Variants in FCHSD2 observed in about 807,000 individuals in gnomAD.
FCHSD2 encodes FCH and double SH3 domains 2.
In FCHSD2, 38 loss-of-function variants were observed where a neutral mutation model predicts 108.1. That is an observed-to-expected ratio of 0.35 (90% CI 0.27 to 0.46). FCHSD2 has a LOEUF of 0.46. Ranked by LOEUF, FCHSD2 falls within the 20% of genes least tolerant of loss-of-function variation. FCHSD2 has a pLI of 1.00. For synonymous variants in FCHSD2, 279 were observed against 314.7 expected, an observed-to-expected ratio of 0.89 and a Z score of 1.20; for missense variants, 751 against 897.8, an observed-to-expected ratio of 0.84 and a Z score of 2.09.
Position 72,843,515 on chromosome 11 carries a change from C to T in FCHSD2, c.1461G>A (p.Glu487=). 2 of 1,613,684 alleles carry T rather than the reference C, an allele frequency of 1.2e-6. No homozygotes were observed. Among genetic ancestry groups the T allele is most frequent in the South Asian group, 2.2e-5 (2 of 91,078 alleles). Residue 487 remains glutamate, a synonymous_variant, in exon 15 of 20, where the codon GAG becomes GAA. Transcript: ENST00000409418. The part of the protein sequence containing the change: ...VYSYKASQPD[E]LTIEEHEVLE... ...ACACCTCATGTTCCTCAATGGTCAACTCATCTGGTTGAGAAGCCTGCAGTG... is the reference window on the plus strand; with the variant it reads ...ACACCTCATGTTCCTCAATGGTCAATTCATCTGGTTGAGAAGCCTGCAGTG...
chr11:72,936,763 T>G (rs1161467916), intron 8 of FCHSD2, among the ~76,000 whole-genome samples: 1 of 152,254 alleles, frequency 6.6e-6, no homozygotes, highest in Admixed American at 6.5e-5. Context: ...AATTTATATT[T>G]GATTCCTTTT....
At chr11:73,127,196 C>G (rs78329834) in intron 2 of FCHSD2, among the ~76,000 whole-genome samples, 1 of 152,152 alleles carries the variant, frequency 6.6e-6, no homozygotes, top group African/African-American at 2.4e-5. Context: ...TTTCATAACA[C>G]CAGAAATAAC....
chr11:72,909,387 A>G lies in FCHSD2; in HGVS notation c.829-6749T>C, dbSNP rs548668632. 5.0e-3 allele frequency among the ~76,000 whole-genome samples: 755 copies of G among 151,402 alleles called. 5 individuals are homozygous for G. Among genetic ancestry groups the G allele is most frequent in the Non-Finnish European group, 7.0e-3 (475 of 67,814 alleles). ...AGTGGCGTGATCTCGGCTCGCTACA[A>G]CCTCCACCTCCCAGCTGCCTGCCTT... On this transcript the variant is annotated intron_variant, in intron 9 of 19. Coordinates refer to ENST00000409418, the MANE Select transcript of FCHSD2 (RefSeq NM_014824.3).
intron 4 of FCHSD2, among the ~76,000 whole-genome samples, chr11:73,008,138 C>T (rs934016024): frequency 6.6e-6 from 1 of 151,876 alleles, no homozygotes; most frequent in African/African-American, 2.4e-5. Context: ...CAGGAGTTTG[C>T]GACCAGCCTG....
At chr11:73,103,215 A>G (rs1011972944) in intron 2 of FCHSD2, among the ~76,000 whole-genome samples, 2 of 141,956 alleles carry the variant, frequency 1.4e-5, no homozygotes, top group Non-Finnish European at 3.3e-5. Flanking sequence ...AACTCTGTAC[A>G]CTTAAGGTAG....
At chr11:72,910,884 C>G (rs1170045846) in intron 9 of FCHSD2, among the ~76,000 whole-genome samples, 1 of 145,184 alleles carries the variant, frequency 6.9e-6, no homozygotes, top group African/African-American at 2.5e-5. Context: ...CTTATATATT[C>G]TCATTATTAA....
intron 9 of FCHSD2, among the ~76,000 whole-genome samples, chr11:72,916,990 T>C (rs1459861974): frequency 3.1e-5 from 1 of 32,756 alleles, no homozygotes; most frequent in Admixed American, 2.7e-4. Flanking sequence ...TTTTTTTTTT[T>C]TTTTTTTTTT....
intron 8 of FCHSD2, among the ~76,000 whole-genome samples, chr11:72,932,567 C>T (rs546982761): frequency 6.6e-6 from 1 of 152,282 alleles, no homozygotes; most frequent in African/African-American, 2.4e-5. Flanking sequence ...TTCACACAGG[C>T]TTTTCTTCTG....
At chr11:73,071,813 A>T (rs1859443634) in intron 3 of FCHSD2, among the ~76,000 whole-genome samples, 2 of 152,184 alleles carry the variant, frequency 1.3e-5, no homozygotes, top group Admixed American at 1.3e-4. Context: ...TGGGAATAAC[A>T]GTAACTACTG....
chr11:72,894,186 C>T (rs950631349), intron 10 of FCHSD2, among the ~76,000 whole-genome samples: 1 of 152,204 alleles, frequency 6.6e-6, no homozygotes, highest in Non-Finnish European at 1.5e-5. Context: ...AATGGCATAA[C>T]ATTCTAGTTA....
At chr11:72,935,285 A>G (rs555732594) in intron 8 of FCHSD2, among the ~76,000 whole-genome samples, 1 of 152,146 alleles carries the variant, frequency 6.6e-6, no homozygotes, top group Non-Finnish European at 1.5e-5. Context: ...TTTCCCCTAA[A>G]GTAAGAACTT....
Position 72,921,903 on chromosome 11 carries a change from G to A in FCHSD2, c.753C>T (p.Ala251=), listed in dbSNP as rs1855981965. 1.2e-6 allele frequency: 2 copies of A among 1,602,914 alleles called. No individual in the cohort carries two copies. Among genetic ancestry groups the A allele is most frequent in the African/African-American group, 1.3e-5 (1 of 74,938 alleles). The change falls in exon 9 of 20, where the codon GCC becomes GCT. Residue 251 remains alanine, a synonymous_variant. Coordinates refer to ENST00000409418, the MANE Select transcript of FCHSD2 (RefSeq NM_014824.3). ...ATGTTTCTAGCTCAGTCCGGCTGAA[G>A]GCTATTAAATAATCCTTGAGATGAT... ...VYDHLKDYLI[A]FSRTELETCQ... is the part of the protein sequence containing the mutation.
intron 3 of FCHSD2, among the ~76,000 whole-genome samples, chr11:73,067,434 A>G (rs1859322441): frequency 6.6e-6 from 1 of 152,144 alleles, no homozygotes; most frequent in Non-Finnish European, 1.5e-5. Flanking sequence ...CCTATGTAAC[A>G]AAACTGCGCG....
chr11:72,995,185 T>C (rs1857497462), intron 5 of FCHSD2, among the ~76,000 whole-genome samples: 1 of 152,220 alleles, frequency 6.6e-6, no homozygotes, highest in Admixed American at 6.5e-5. Flanking sequence ...CCGAATAGTA[T>C]TTTGTTACAT....
rs139669483 is a variant in FCHSD2 at position 73,110,477 on chromosome 11, T to C, written c.120-26737A>G. 9.2e-5 allele frequency among the ~76,000 whole-genome samples: 14 copies of C among 152,296 alleles called. 1 individual carries two copies. The highest frequency in any genetic ancestry group is 1.4e-4 in the African/African-American group (6 of 41,596). ...CTAGATTTTTCAATTTATTGGTATA[T>C]AGTTGTTCATAGTACCCATGAATAA... On this transcript the variant is annotated intron_variant, in intron 2 of 19. Coordinates refer to ENST00000409418, the MANE Select transcript of FCHSD2 (RefSeq NM_014824.3).
chr11:73,093,632 G>A (rs771193097), intron 2 of FCHSD2, among the ~76,000 whole-genome samples: 10 of 151,678 alleles, frequency 6.6e-5, no homozygotes, highest in African/African-American at 1.7e-4. Context: ...ACCGAGTTTC[G>A]CTCTTGTTGC....
chr11:72,870,392 T>C (rs1321861988), intron 12 of FCHSD2, among the ~76,000 whole-genome samples: 1 of 152,164 alleles, frequency 6.6e-6, no homozygotes, highest in Non-Finnish European at 1.5e-5. Context: ...GTAACCTTTT[T>C]TGAATAAATA....
intron 4 of FCHSD2, among the ~76,000 whole-genome samples, chr11:73,008,318 G>A (rs1021135662): frequency 2.6e-5 from 4 of 151,984 alleles, no homozygotes; most frequent in East Asian, 1.9e-4. Flanking sequence ...CAGCCTGGGC[G>A]ACAGACCGAG....
At chr11:72,972,917 T>C (rs1310314560) in intron 8 of FCHSD2, among the ~76,000 whole-genome samples, 3 of 152,238 alleles carry the variant, frequency 2.0e-5, no homozygotes. Flanking sequence ...GATTGTAAGC[T>C]GGCACTCTTT....
Sources: allele counts gnomAD v4.1 joint callset (sites outside exome capture counted in the v4.1 genomes callset), GRCh38; gene constraint gnomAD v4.1.1; transcripts MANE v1.5; gene names NCBI Gene and HGNC (gene_info 2026-07-23, HGNC 2026-07-21).